EDA: variants seen among roughly 807,000 people sequenced by gnomAD.
The protein encoded by EDA is ectodysplasin A.
EDA carries 2 observed loss-of-function variants against 23.6 expected under a neutral mutation model. The observed-to-expected ratio is 0.08, with a 90% CI of 0.03 to 0.27. The LOEUF (loss-of-function observed/expected upper bound fraction) is 0.27, where lower values mean the gene tolerates loss of function less well. EDA is among the 10% of genes least tolerant of loss of function. The probability of loss-of-function intolerance (pLI) is 1.00; values close to 1 mark genes in which losing one functional copy is unlikely to be tolerated. For synonymous variants in EDA, 131 were observed against 132.0 expected, an observed-to-expected ratio of 0.99 and a Z score of 0.05; for missense variants, 229 against 324.2, an observed-to-expected ratio of 0.71 and a Z score of 2.26.
intron 1 of EDA, among the ~76,000 whole-genome samples, chrX:69,955,298 T>A (rs2018984016): frequency 8.9e-6 from 1 of 112,217 alleles, no homozygotes; most frequent in African/African-American, 3.2e-5. Context: ...CATGTGAAAT[T>A]GTTGATTGAT....
intron 1 of EDA, among the ~76,000 whole-genome samples, chrX:69,636,339 A>G (rs1400969863): frequency 9.1e-6 from 1 of 110,425 alleles, no homozygotes; most frequent in Non-Finnish European, 1.9e-5. Flanking sequence ...GGCCCTTCCC[A>G]GAAGCCAAGC....
rs534270582 is a variant in EDA at position 69,651,652 on chromosome X, G to GT, written c.396+34951dup. 1.4e-3 allele frequency among the ~76,000 whole-genome samples: 157 copies of GT among 111,842 alleles called. 2 individuals are homozygous for GT. In the South Asian group the frequency reaches 0.021, roughly 15 times the overall value. On this transcript the variant is annotated intron_variant, in intron 1 of 7. Coordinates refer to ENST00000374552, the MANE Select transcript of EDA (RefSeq NM_001399.5). ...AATGCATTGATCTTTTATAAGAGCA[G>GT]TTTCAGTGGCATGGTAGGATGGAAC...
chrX:69,837,019 T>A (rs1049335098), intron 1 of EDA, among the ~76,000 whole-genome samples: 2 of 112,438 alleles, frequency 1.8e-5, no homozygotes, highest in South Asian at 7.3e-4. Context: ...CTTTAATTTT[T>A]AAAAAATTTT....
intron 1 of EDA, among the ~76,000 whole-genome samples, chrX:69,892,948 T>C (rs971339971): frequency 1.5e-4 from 17 of 111,254 alleles, no homozygotes; most frequent in African/African-American, 5.2e-4. Flanking sequence ...CTCACCCCAC[T>C]CCCCCTCCAT....
rs976027531 is a variant in EDA at position 69,978,521 on chromosome X, G to T, written c.502+21389G>T. Among the ~76,000 whole-genome samples the T allele has an allele frequency of 8.5e-5, 7 of 82,062 alleles. No homozygotes were observed. In the East Asian group the frequency reaches 2.6e-3, roughly 30 times the overall value. 71.3% of individuals were successfully genotyped at this position (82,062 alleles called of 115,157 possible). On this transcript the variant is annotated intron_variant, in intron 2 of 7. Coordinates refer to ENST00000374552, the MANE Select transcript of EDA (RefSeq NM_001399.5). ...CTGTCTCAAAAAAAAAAAAAAAAAAGAAAGAAAGAAAAAAAGCAGCTTTCT... is the reference window on the plus strand; with the variant it reads ...CTGTCTCAAAAAAAAAAAAAAAAAATAAAGAAAGAAAAAAAGCAGCTTTCT...
At chrX:69,982,449 G>A (rs2019424254) in intron 2 of EDA, among the ~76,000 whole-genome samples, 1 of 110,980 alleles carries the variant, frequency 9.0e-6, no homozygotes, top group Admixed American at 9.6e-5. Flanking sequence ...CAGTGAAATT[G>A]GGAAAGGCAT....
At chrX:69,750,897 T>G (rs1308778671) in intron 1 of EDA, among the ~76,000 whole-genome samples, 11 of 111,971 alleles carry the variant, frequency 9.8e-5, no homozygotes, top group Admixed American at 2.8e-4. Flanking sequence ...TAAATTTGTT[T>G]AAGTTCTTCA....
intron 1 of EDA, among the ~76,000 whole-genome samples, chrX:69,785,089 T>C (rs1287319304): frequency 9.5e-6 from 1 of 104,829 alleles, no homozygotes; most frequent in African/African-American, 3.5e-5. Flanking sequence ...TTTGGCTCTC[T>C]GTTTGTCTGT....
chrX:69,864,436 C>T (rs766813234), intron 1 of EDA, among the ~76,000 whole-genome samples: 7 of 111,471 alleles, frequency 6.3e-5, no homozygotes, highest in Non-Finnish European at 1.3e-4. Flanking sequence ...GGGAGCACCT[C>T]GTAGGACAAA....
intron 2 of EDA, among the ~76,000 whole-genome samples, chrX:69,987,193 G>A (rs1179981329): frequency 1.0e-5 from 1 of 98,494 alleles, no homozygotes; most frequent in Non-Finnish European, 2.0e-5. Flanking sequence ...GTTAGTGGGT[G>A]CAGCGCACCA....
At chrX:69,924,350 T>C (rs186914753) in intron 1 of EDA, among the ~76,000 whole-genome samples, 1 of 111,588 alleles carries the variant, frequency 9.0e-6, no homozygotes, top group East Asian at 2.8e-4. Flanking sequence ...GTATGTGGTG[T>C]AGGGAAGGGG....
intron 1 of EDA, among the ~76,000 whole-genome samples, chrX:69,789,639 T>A (rs2015339918): frequency 8.9e-6 from 1 of 112,154 alleles, no homozygotes; most frequent in Non-Finnish European, 1.9e-5. Context: ...TCACAAGTAT[T>A]CCTTGATCTT....
intron 1 of EDA, among the ~76,000 whole-genome samples, chrX:69,904,589 A>T (rs1368188137): frequency 1.8e-5 from 2 of 111,844 alleles, no homozygotes; most frequent in African/African-American, 3.3e-5. Flanking sequence ...GACTTAAGTG[A>T]TCTTCCCACT....
chrX:69,853,223 T>C (rs760850813), intron 1 of EDA, among the ~76,000 whole-genome samples: 2 of 111,267 alleles, frequency 1.8e-5, no homozygotes, highest in African/African-American at 6.5e-5. Flanking sequence ...ACAGGCAAAT[T>C]TGAAAAAGAA....
intron 2 of EDA, among the ~76,000 whole-genome samples, chrX:69,991,882 A>C (rs1297647606): frequency 2.7e-5 from 3 of 111,382 alleles, no homozygotes; most frequent in Non-Finnish European, 5.7e-5. Flanking sequence ...CTGGGGAGAG[A>C]GGGTTGGGAA....
At chrX:69,941,555 T>C in intron 1 of EDA, among the ~76,000 whole-genome samples, 1 of 112,071 alleles carries the variant, frequency 8.9e-6, no homozygotes, top group African/African-American at 3.2e-5. Context: ...TTATAGCTTT[T>C]GTCTTGAAAT....
At chrX:69,850,619 A>C (rs1184132379) in intron 1 of EDA, among the ~76,000 whole-genome samples, 1 of 111,969 alleles carries the variant, frequency 8.9e-6, no homozygotes, top group East Asian at 2.8e-4. Flanking sequence ...TCTGCTTCCA[A>C]TATATATTCC....
intron 2 of EDA, among the ~76,000 whole-genome samples, chrX:69,993,109 C>T (rs995719078): frequency 2.7e-5 from 3 of 109,213 alleles, no homozygotes; most frequent in African/African-American, 1.0e-4. Flanking sequence ...TTCACGTTCC[C>T]ATAGAGTCTA....
At chrX:69,971,337 A>T (rs2019245419) in intron 2 of EDA, among the ~76,000 whole-genome samples, 1 of 112,607 alleles carries the variant, frequency 8.9e-6, no homozygotes, top group Non-Finnish European at 1.9e-5. Context: ...ATTATTTATC[A>T]TAAAAGTTGA....
Sources: allele counts gnomAD v4.1 joint callset (sites outside exome capture counted in the v4.1 genomes callset), GRCh38; gene constraint gnomAD v4.1.1; transcripts MANE v1.5; gene names NCBI Gene and HGNC (gene_info 2026-07-23, HGNC 2026-07-21).